The following GATA3 variants were observed in gnomAD, a reference collection of about 807,000 sequenced individuals.
GATA3 encodes the protein GATA binding protein 3, also known as trans-acting T-cell-specific transcription factor GATA-3.
GATA3 carries 6 observed loss-of-function variants against 36.0 expected under a neutral mutation model. The observed-to-expected ratio is 0.17, with a 90% CI of 0.09 to 0.33. The LOEUF is 0.33. Among genes scored for constraint, GATA3 ranks in the 10% least tolerant of loss-of-function variants. The pLI is 1.00. For synonymous variants in GATA3, 326 were observed against 273.0 expected, an observed-to-expected ratio of 1.19 and a Z score of -1.92; for missense variants, 514 against 610.1, an observed-to-expected ratio of 0.84 and a Z score of 1.66.
chr10:8,072,756 T>A (rs910281695), intron 5 of GATA3, among the ~76,000 whole-genome samples: 1 of 152,104 alleles, frequency 6.6e-6, no homozygotes, highest in Non-Finnish European at 1.5e-5. Flanking sequence ...TGTTGATTGG[T>A]TGGTTGGCTG....
At chr10:8,067,967 T>G (rs1832873596) in intron 4 of GATA3, among the ~76,000 whole-genome samples, 1 of 152,268 alleles carries the variant, frequency 6.6e-6, no homozygotes. Flanking sequence ...TCTCTTACCT[T>G]TCCTTTGATA....
intron 2 of GATA3, among the ~76,000 whole-genome samples, chr10:8,057,394 G>A (rs1166631119): frequency 6.6e-6 from 1 of 152,180 alleles, no homozygotes; most frequent in Non-Finnish European, 1.5e-5. Flanking sequence ...AGGCTAATCA[G>A]ACTCTGTGTC....
At position 8,074,134 on chromosome 10, in the gene GATA3, T is replaced by C; in HGVS notation, c.*111T>C. 7.7e-7 allele frequency: 1 copy of C among 1,294,322 alleles called. No homozygotes were observed. Among genetic ancestry groups the C allele is most frequent in the Non-Finnish European group, 1.1e-6 (1 of 948,238 alleles). 80.2% of individuals were successfully genotyped at this position (1,294,322 alleles called of 1,614,324 possible). Reference sequence around the variant, plus strand: ...GCCTAAACGCGATGGATATATGTTTTTGAAGGCAGAAAGCAAAATTATGTT... The same window carrying C: ...GCCTAAACGCGATGGATATATGTTTCTGAAGGCAGAAAGCAAAATTATGTT... On this transcript the variant is annotated 3_prime_UTR_variant, in exon 6 of 6. Transcript: ENST00000379328.
upstream of GATA3, chr10:8,052,183 A>G (rs556960): frequency 0.79 from 120,390 of 152,118 alleles, 48,031 homozygotes; most frequent in East Asian, 0.96. Context: ...ATTACCCGGG[A>G]CATCCAGCCC....
Position 8,058,806 on chromosome 10 carries a change from G to T in GATA3, c.743G>T (p.Gly248Val). 1 of 1,607,008 alleles carries T rather than the reference G, an allele frequency of 6.2e-7. No homozygotes were observed. Among genetic ancestry groups the T allele is most frequent in the Non-Finnish European group, 8.5e-7 (1 of 1,179,906 alleles). ...CTGGGCGGCTCCCCCACCGGCTTCG[G>T]ATGCAAGTCCAGGCCCAAGGCCCGG... ...SLLGGSPTGF[G>V]CKSRPKARSS... Residue 248 changes from glycine to valine, a missense_variant, in exon 3 of 6, where the codon GGA becomes GTA. This residue lies in a region of GATA3 where 381 missense variants were observed against 354.3 expected (regional missense o/e 1.08). Transcript: ENST00000379328.
At chr10:8,056,159 G>A (rs1251303965) in intron 2 of GATA3, among the ~76,000 whole-genome samples, 1 of 152,150 alleles carries the variant, frequency 6.6e-6, no homozygotes, top group African/African-American at 2.4e-5. Context: ...CGGGCGCCAG[G>A]CCGCAGCCCT....
At chr10:8,063,285 C>T (rs1832779636) in intron 3 of GATA3, among the ~76,000 whole-genome samples, 1 of 152,164 alleles carries the variant, frequency 6.6e-6, no homozygotes, top group South Asian at 2.1e-4. Flanking sequence ...CCCCTTGCAC[C>T]CCCTGGCTGG....
rs905538359 is a variant in GATA3, at chr10:8,058,907, G to A, written c.778+66G>A. On this transcript the variant is annotated intron_variant, in intron 3 of 5. Transcript: ENST00000379328. Reference sequence around the variant, plus strand: ...CTCCCCTTTTCCTCAATCCAGGGCCGCACCCAGAGGGACCCCTCAGGGGAG... The same window carrying A: ...CTCCCCTTTTCCTCAATCCAGGGCCACACCCAGAGGGACCCCTCAGGGGAG... 3.5e-5 allele frequency: 52 copies of A among 1,475,324 alleles called. No individual in the cohort carries two copies. The African/African-American group carries it at 5.8e-4, about 16-fold the overall frequency. 91.4% of individuals were successfully genotyped at this position (1,475,324 alleles called of 1,614,324 possible). A position where few individuals can be genotyped will look rare whatever the true frequency, so the allele number is the denominator to read the frequency against.
chr10:8,058,018 C>A (rs3824668), intron 2 of GATA3, among the ~76,000 whole-genome samples: 1 of 152,130 alleles, frequency 6.6e-6, no homozygotes, highest in Non-Finnish European at 1.5e-5. Context: ...GCCCTTCTCC[C>A]CCTCTGCAGC....
At chr10:8,048,449 C>T (rs969835884) in intron 1 of GATA3, among the ~76,000 whole-genome samples, 1 of 152,152 alleles carries the variant, frequency 6.6e-6, no homozygotes, top group Non-Finnish European at 1.5e-5. Flanking sequence ...TGTGGCTGAG[C>T]GGCCCCCTGG....
At chr10:8,051,965 C>T (rs575103865), upstream of GATA3, among the ~76,000 whole-genome samples, 20 of 152,306 alleles carry the variant, frequency 1.3e-4, no homozygotes, top group Admixed American at 3.3e-4. Context: ...CGGCATCCCC[C>T]TCCCATCCTT....
chr10:8,058,600 C>G lies in GATA3; in HGVS notation c.537C>G (p.Asp179Glu), dbSNP rs987472805. The G allele has an allele frequency of 1.2e-6, 2 of 1,611,972 alleles. No individual in the cohort carries two copies. Among genetic ancestry groups the G allele is most frequent in the East Asian group, 2.2e-5 (1 of 44,852 alleles). ...GCTCGGCCGGCTCGGCCCGGCAGGA[C>G]GAGAAAGAGTGCCTCAAGTACCAGG... ...TPGSAGSARQDEKECLKYQVP... is the reference protein window; with the variant it reads ...TPGSAGSARQEEKECLKYQVP... Residue 179 changes from aspartate (D) to glutamate (E), a missense_variant, in exon 3 of 6, where the codon GAC (aspartate) becomes GAG (glutamate). Asp to Glu is a conservative substitution (Grantham distance 45). Around this residue, in one of 3 missense-constraint regions of GATA3, gnomAD observed 381 missense variants for 354.3 expected, o/e 1.08. Coordinates refer to ENST00000379328, the MANE Select transcript of GATA3 (RefSeq NM_001002295.2).
intron 5 of GATA3, among the ~76,000 whole-genome samples, chr10:8,073,211 C>G (rs1283371270): frequency 6.6e-6 from 1 of 151,002 alleles, no homozygotes; most frequent in African/African-American, 2.4e-5. Flanking sequence ...AAATACAACC[C>G]GGCTACATAT....
chr10:8,045,448 C>T (rs1303186787), exon 1 of GATA3: 2 of 152,482 alleles, frequency 1.3e-5, no homozygotes, highest in African/African-American at 2.4e-5. Context: ...TCATTTCTGC[C>T]TTCAGATCTC....
intron 5 of GATA3, among the ~76,000 whole-genome samples, chr10:8,072,746 T>C (rs1588390761): frequency 6.6e-6 from 1 of 152,106 alleles, no homozygotes; most frequent in African/African-American, 2.4e-5. Context: ...ATTAAATACA[T>C]GTTGATTGGT....
At chr10:8,060,217 TTA>T (rs1832724900) in intron 3 of GATA3, among the ~76,000 whole-genome samples, 1 of 152,246 alleles carries the variant, frequency 6.6e-6, no homozygotes, top group Admixed American at 6.5e-5. Context: ...GTTGCATTGT[TTA>T]TCCTGAGCCA....
At chr10:8,056,828 GA>G (rs1210846525) in intron 2 of GATA3, among the ~76,000 whole-genome samples, 1 of 152,094 alleles carries the variant, frequency 6.6e-6, no homozygotes, top group Non-Finnish European at 1.5e-5. Flanking sequence ...GTAGTTTGAG[GA>G]AAAAAGATCG....
intron 3 of GATA3, among the ~76,000 whole-genome samples, chr10:8,059,603 C>T (rs754126109): frequency 3.9e-5 from 6 of 152,162 alleles, no homozygotes; most frequent in Non-Finnish European, 8.8e-5. Flanking sequence ...TAGAAAGGAA[C>T]GGAAAAGTGC....
rs1013251017 is a variant in GATA3, at chr10:8,067,691, G to A, written c.925-1782G>A. Among the ~76,000 whole-genome samples, 9 of 139,792 alleles carry A rather than the reference G, an allele frequency of 6.4e-5. No individual in the cohort carries two copies. In the South Asian group the frequency reaches 6.7e-4, roughly 10 times the overall value. The allele number at this position is 139,792 out of a possible 152,430, so 91.7% of individuals were successfully genotyped here. ...AAAATTAGCTGGGGCGGTGGCGGGCGCCTGTAGTCCCAGCTACTTGGGAGG... is the reference window on the plus strand; with the variant it reads ...AAAATTAGCTGGGGCGGTGGCGGGCACCTGTAGTCCCAGCTACTTGGGAGG... On this transcript the variant is annotated intron_variant, in intron 4 of 5. Transcript: ENST00000379328.
Sources: allele counts gnomAD v4.1 joint callset (sites outside exome capture counted in the v4.1 genomes callset), GRCh38; gene constraint gnomAD v4.1.1; regional missense constraint gnomAD v4.1.1; transcripts MANE v1.5; gene names NCBI Gene and HGNC (gene_info 2026-07-23, HGNC 2026-07-21).